Variants in EDIL3 observed in about 807,000 individuals in gnomAD.
EDIL3 encodes the protein EGF like and discoidin domains 3.
A neutral mutation model predicts 67.4 loss-of-function variants in EDIL3; 37 were observed. The observed-to-expected ratio is 0.55, with a 90% CI of 0.42 to 0.72. EDIL3 has a LOEUF of 0.72. EDIL3 is among the 30% of genes least tolerant of loss of function. EDIL3 has a pLI of 0.00. For missense variants in EDIL3, 527 were observed against 586.3 expected, an observed-to-expected ratio of 0.90 and a Z score of 1.04; for synonymous variants, 195 against 196.3, an observed-to-expected ratio of 0.99 and a Z score of 0.05.
intron 9 of EDIL3, among the ~76,000 whole-genome samples, chr5:84,045,310 C>T (rs1022731961): frequency 6.6e-6 from 1 of 152,222 alleles, no homozygotes; most frequent in South Asian, 2.1e-4. Flanking sequence ...AATCAACAAG[C>T]AACCAGCAAA....
At chr5:84,328,800 C>T (rs1317264308) in intron 1 of EDIL3, among the ~76,000 whole-genome samples, 1 of 152,062 alleles carries the variant, frequency 6.6e-6, no homozygotes, top group Non-Finnish European at 1.5e-5. Context: ...CTCACTGCAT[C>T]TGTAAGATTA....
chr5:84,195,043 A>C (rs1743676713), intron 3 of EDIL3, among the ~76,000 whole-genome samples: 1 of 151,966 alleles, frequency 6.6e-6, no homozygotes, highest in South Asian at 2.1e-4. Context: ...ACTGTGATTT[A>C]ATATTTACAG....
intron 1 of EDIL3, among the ~76,000 whole-genome samples, chr5:84,266,565 T>A (rs778130102): frequency 6.6e-6 from 1 of 152,196 alleles, no homozygotes; most frequent in African/African-American, 2.4e-5. Flanking sequence ...GGAACTCCTA[T>A]CCCAGGTCCC....
chr5:83,954,402 G>T (rs902321643), intron 10 of EDIL3, among the ~76,000 whole-genome samples: 1 of 151,650 alleles, frequency 6.6e-6, no homozygotes, highest in African/African-American at 2.4e-5. Flanking sequence ...TGTATGGCTT[G>T]GTGCCCTCCC....
At chr5:84,138,179 A>G (rs140028340) in intron 4 of EDIL3, among the ~76,000 whole-genome samples, 80 of 152,326 alleles carry the variant, frequency 5.3e-4, no homozygotes, top group African/African-American at 1.9e-3. Flanking sequence ...CAGTAGTTGG[A>G]GAGCACACAC....
intron 2 of EDIL3, among the ~76,000 whole-genome samples, chr5:84,239,791 C>A (rs575607529): frequency 1.4e-4 from 22 of 152,298 alleles, no homozygotes; most frequent in African/African-American, 5.1e-4. Context: ...TTCAATCTTT[C>A]ACTTTCTCTC....
intron 1 of EDIL3, among the ~76,000 whole-genome samples, chr5:84,305,319 CT>C (rs1407728977): frequency 1.3e-5 from 2 of 152,122 alleles, no homozygotes; most frequent in African/African-American, 2.4e-5. Flanking sequence ...AAAACTGTTT[CT>C]TTGGACCACT....
chr5:84,137,729 A>G (rs1218653306), intron 4 of EDIL3, among the ~76,000 whole-genome samples: 3 of 152,194 alleles, frequency 2.0e-5, no homozygotes, highest in African/African-American at 7.2e-5. Flanking sequence ...CCTCCCCTGC[A>G]GCAACAACTG....
intron 10 of EDIL3, among the ~76,000 whole-genome samples, chr5:83,959,508 G>A (rs1238057541): frequency 6.6e-6 from 1 of 150,976 alleles, no homozygotes; most frequent in East Asian, 2.0e-4. Flanking sequence ...ACATATTTCT[G>A]TTTGAAAAGT....
chr5:84,056,223 A>G (rs1394334190), intron 9 of EDIL3, among the ~76,000 whole-genome samples: 1 of 152,114 alleles, frequency 6.6e-6, no homozygotes. Context: ...TCGCAAGGAC[A>G]AAAAACCAAA....
intron 1 of EDIL3, among the ~76,000 whole-genome samples, chr5:84,347,359 T>C (rs1234598827): frequency 6.6e-6 from 1 of 152,332 alleles, no homozygotes; most frequent in South Asian, 2.1e-4. Flanking sequence ...TATGTATAAG[T>C]GGAAAGAAAT....
At chr5:83,944,811 TTTCTTTCTTGTTTGGCATCAAAA>T (rs1196958093) in intron 10 of EDIL3, among the ~76,000 whole-genome samples, 2 of 151,950 alleles carry the variant, frequency 1.3e-5, no homozygotes, top group Non-Finnish European at 2.9e-5. Flanking sequence ...TGACATCAAA[TTTCTTTCTTGTTTGGCATCAAAA>T]CATAACTATG....
chr5:84,188,779 C>A (rs921895479), intron 3 of EDIL3, among the ~76,000 whole-genome samples: 3 of 152,022 alleles, frequency 2.0e-5, no homozygotes, highest in Non-Finnish European at 4.4e-5. Context: ...CCAAGTGAAG[C>A]CACAGCAAGA....
At chr5:83,979,838 G>C (rs1425014292) in intron 9 of EDIL3, among the ~76,000 whole-genome samples, 2 of 151,998 alleles carry the variant, frequency 1.3e-5, no homozygotes, top group Admixed American at 1.3e-4. Context: ...TTGACTCTTC[G>C]GAGGTCAAGA....
intron 3 of EDIL3, among the ~76,000 whole-genome samples, chr5:84,199,109 C>A (rs112898493): frequency 2.0e-5 from 3 of 151,934 alleles, no homozygotes; most frequent in African/African-American, 7.2e-5. Context: ...AAGAAATGTA[C>A]AGCCAAATCC....
chr5:84,266,056 T>C (rs1416179386), intron 1 of EDIL3, among the ~76,000 whole-genome samples: 1 of 152,212 alleles, frequency 6.6e-6, no homozygotes, highest in African/African-American at 2.4e-5. Flanking sequence ...GCTTTTACAC[T>C]AAGTAAACCA....
chr5:84,049,128 A>G (rs1237117558), intron 9 of EDIL3, among the ~76,000 whole-genome samples: 2 of 152,234 alleles, frequency 1.3e-5, no homozygotes, highest in African/African-American at 2.4e-5. Flanking sequence ...TGGGTAAAGA[A>G]GCTGAAAAAT....
At chr5:83,974,017 A>C (rs1316179060) in intron 9 of EDIL3, among the ~76,000 whole-genome samples, 1 of 151,962 alleles carries the variant, frequency 6.6e-6, no homozygotes, top group Non-Finnish European at 1.5e-5. Context: ...TGGAGGAGCT[A>C]TGCATTTTAT....
chr5:84,370,804 T>G (rs1154820), intron 1 of EDIL3, among the ~76,000 whole-genome samples: 1,603 of 152,216 alleles, frequency 0.011, 34 homozygotes, highest in African/African-American at 0.037. Context: ...GATTCACAAG[T>G]CAATGCATCA....
Sources: allele counts gnomAD v4.1 joint callset (sites outside exome capture counted in the v4.1 genomes callset), GRCh38; gene constraint gnomAD v4.1.1; transcripts MANE v1.5; gene names NCBI Gene and HGNC (gene_info 2026-07-23, HGNC 2026-07-21).